BARHL1: variants seen among roughly 807,000 people sequenced by gnomAD.
BARHL1 encodes BarH like homeobox 1, also known as barH-like 1 homeobox protein.
Under a neutral mutation model 20.1 loss-of-function variants are expected in BARHL1, and 2 were observed. The observed-to-expected ratio is 0.10, with a 90% confidence interval of 0.04 to 0.31. The LOEUF is 0.31. Among genes scored for constraint, BARHL1 ranks in the 10% least tolerant of loss-of-function variants. The pLI, the probability that BARHL1 is intolerant of heterozygous loss-of-function variation, is 1.00. For synonymous variants in BARHL1, 213 were observed against 209.9 expected (o/e 1.01, Z -0.13); for missense variants, 397 against 454.0 (o/e 0.87, Z 1.14).
At chr9:132,585,515 G>A (rs938227924) in intron 1 of BARHL1, among the ~76,000 whole-genome samples, 1 of 152,202 alleles carries the variant, frequency 6.6e-6, no homozygotes, top group Non-Finnish European at 1.5e-5. Flanking sequence ...GAAGTAAGGT[G>A]GTCGGCGACA....
In BARHL1 at chr9:132,584,268, T is replaced by G. The variant is rs373236906; in HGVS notation, c.466+1005T>G. Among the ~76,000 whole-genome samples the G allele has an allele frequency of 4.2e-4, 64 of 152,246 alleles. 1 individual carries two copies. The South Asian group carries it at 0.012, about 28-fold the overall frequency. ...GTTTTTCAAAGCCAGAGGCACAAAG[T>G]TCTTTCTAAGGGAGAAGTCAAGGGG... On this transcript the variant is annotated intron_variant, in intron 1 of 2. Transcript: ENST00000263610.
chr9:132,582,980 G>C lies in BARHL1; in HGVS notation c.183G>C (p.Thr61=), dbSNP rs755688105. The C allele has an allele frequency of 1.2e-5, 20 of 1,613,724 alleles. No individual in the cohort carries two copies. Among genetic ancestry groups the C allele is most frequent in the South Asian group, 7.7e-5 (7 of 91,090 alleles). ...CTCCAGGAAGGGACTGTTTGGAGAC[G>C]GGGACCCCACGGCCTGGCGGGGCAT... ...PASPGRDCLE[T]GTPRPGGASG... The change falls in exon 1 of 3, where the codon ACG becomes ACC. Residue 61 remains threonine (T), a synonymous_variant. Coordinates refer to ENST00000263610, the MANE Select transcript of BARHL1 (RefSeq NM_020064.4).
In BARHL1 at chr9:132,589,278, C is replaced by T; in HGVS notation, c.740C>T (p.Ala247Val). Residue 247 changes from alanine to valine, a missense_variant, in exon 3 of 3, where the codon GCA (alanine) becomes GTA (valine). Ala to Val is a moderately conservative substitution (Grantham distance 64). Coordinates refer to ENST00000263610, the MANE Select transcript of BARHL1 (RefSeq NM_020064.4). ...GTCGGGTTGGAGCTGCTGGCGGAGGCAGGCAATTACTCAGCGCTCCAGCGG... is the reference window on the plus strand; with the variant it reads ...GTCGGGTTGGAGCTGCTGGCGGAGGTAGGCAATTACTCAGCGCTCCAGCGG... ...TAVGLELLAE[A>V]GNYSALQRMF... The T allele has an allele frequency of 6.2e-7, 1 of 1,613,148 alleles. No homozygotes were observed. The highest frequency in any genetic ancestry group is 8.5e-7 in the Non-Finnish European group (1 of 1,179,836).
At chr9:132,588,589 C>T (rs2119136023) in intron 2 of BARHL1, among the ~76,000 whole-genome samples, 1 of 152,204 alleles carries the variant, frequency 6.6e-6, no homozygotes, top group African/African-American at 2.4e-5. Context: ...CGTTGGCTGG[C>T]CAAGGCCTCT....
In BARHL1 at chr9:132,589,959, G is replaced by T; in HGVS notation, c.*437G>T. 6.1e-6 allele frequency: 1 copy of T among 164,654 alleles called. No homozygotes were observed. The highest frequency in any genetic ancestry group is 1.3e-5 in the Non-Finnish European group (1 of 76,606). The allele number at this position is 164,654 out of a possible 1,614,324, so 10.2% of individuals were successfully genotyped here. On this transcript the variant is annotated 3_prime_UTR_variant, in exon 3 of 3. Coordinates refer to ENST00000263610, the MANE Select transcript of BARHL1 (RefSeq NM_020064.4). ...CCCCCGCCAGGGAGAGAAGGGGAGT[G>T]CGGAGCCCCGTCTCCCTACCCCTCG... is the stretch of plus-strand genomic sequence containing the variant.
At chr9:132,588,141 G>A (rs1214244182) in intron 2 of BARHL1, among the ~76,000 whole-genome samples, 4 of 152,174 alleles carry the variant, frequency 2.6e-5, no homozygotes, top group Admixed American at 6.5e-5. Context: ...TGGGGCACCG[G>A]ACTTGAACTC....
chr9:132,589,380 G>A lies in BARHL1; in HGVS notation c.842G>A (p.Arg281His). Residue 281 changes from arginine (R) to histidine (H), a missense_variant, in exon 3 of 3, where the codon CGC becomes CAC. Transcript: ENST00000263610. The stretch of plus-strand genomic sequence containing the variant: ...CCCGGCGCGGCGCTCTACCTGTACC[G>A]CGGCCCCAGCGCGCCGCCGCCTGCT... ...LDPGAALYLY[R>H]GPSAPPPALQ... The A allele has an allele frequency of 6.2e-7, 1 of 1,612,566 alleles. No individual in the cohort carries two copies. Among genetic ancestry groups the A allele is most frequent in the Non-Finnish European group, 8.5e-7 (1 of 1,179,702 alleles).
Position 132,587,318 on chromosome 9 carries a change from T to C in BARHL1, c.467-11T>C. The C allele has an allele frequency of 6.3e-7, 1 of 1,590,626 alleles. No individual in the cohort carries two copies. Among genetic ancestry groups the C allele is most frequent in the South Asian group, 1.1e-5 (1 of 86,990 alleles). On this transcript the variant is annotated splice_polypyrimidine_tract_variant and intron_variant, in intron 1 of 2. Transcript: ENST00000263610. The surrounding 1 kb of genome is among the most constrained non-coding windows in gnomAD (Gnocchi z 5.5). ...GCGAGGCCGGGCCCTGACATGCCGC[T>C]GTGTCCGCAGTGAAGGAGGAGGGCG...
Position 132,583,252 on chromosome 9 carries a change from C to G in BARHL1, c.455C>G (p.Ser152Cys), listed in dbSNP as rs1564260000. 1 of 1,611,154 alleles carries G rather than the reference C, an allele frequency of 6.2e-7. No homozygotes were observed. The highest frequency in any genetic ancestry group is 1.1e-5 in the South Asian group (1 of 90,914). ...AGTGGCAGCAACGCCTCATCGGACT[C>G]TGAGTATAAAGGTAAGAAAGCAGGA... ...DKSGSNASSD[S>C]EYKVKEEGDR... Residue 152 changes from serine (S) to cysteine (C), a missense_variant, in exon 1 of 3, where the codon TCT becomes TGT. By Grantham distance (112) the Ser-to-Cys change is moderately radical (BLOSUM62 -1). Around this residue, in one of 3 missense-constraint regions of BARHL1, gnomAD observed 272 missense variants for 298.7 expected, o/e 0.91. Transcript: ENST00000263610.
intron 1 of BARHL1, among the ~76,000 whole-genome samples, chr9:132,584,501 C>A (rs1314199479): frequency 1.3e-5 from 2 of 148,952 alleles, no homozygotes; most frequent in African/African-American, 2.5e-5. Context: ...CCACCCCCAG[C>A]GCCATACTTC....
intron 2 of BARHL1, among the ~76,000 whole-genome samples, chr9:132,588,500 A>C (rs1307629877): frequency 6.6e-6 from 1 of 152,106 alleles, no homozygotes; most frequent in Non-Finnish European, 1.5e-5. Context: ...AGCCCACCTT[A>C]GTGGGACCCT....
rs1257879197 is a variant in BARHL1, at chr9:132,589,894, C to T, written c.*372C>T. ...CCCAGGCTTCGCTCTCTCCCACGCCCCTTCTACGCTCCAGGTGGAGAACAG... is the reference window on the plus strand; with the variant it reads ...CCCAGGCTTCGCTCTCTCCCACGCCTCTTCTACGCTCCAGGTGGAGAACAG... On this transcript the variant is annotated 3_prime_UTR_variant, in exon 3 of 3. Transcript: ENST00000263610. 5.2e-6 allele frequency: 1 copy of T among 193,450 alleles called. No individual in the cohort carries two copies. Among genetic ancestry groups the T allele is most frequent in the Non-Finnish European group, 1.0e-5 (1 of 95,638 alleles). 12.0% of individuals were successfully genotyped at this position (193,450 alleles called of 1,614,324 possible). A position where few individuals can be genotyped will look rare whatever the true frequency, so the allele number is the denominator to read the frequency against.
chr9:132,583,680 A>T (rs1012453893), intron 1 of BARHL1, among the ~76,000 whole-genome samples: 1 of 152,186 alleles, frequency 6.6e-6, no homozygotes, highest in Non-Finnish European at 1.5e-5. Flanking sequence ...CAGCAGAAAA[A>T]TTTCAGCTGG....
At chr9:132,589,088 G>C in intron 2 of BARHL1, 140 bp from the exon 3 acceptor site, 1 of 1,416,518 alleles carries the variant, frequency 7.1e-7, no homozygotes, top group Non-Finnish European at 9.3e-7. Context: ...ATGGTGCCTG[G>C]CACTCGGTTA....
intron 2 of BARHL1, among the ~76,000 whole-genome samples, chr9:132,588,298 CCA>C (rs1427595524): frequency 1.3e-5 from 2 of 152,096 alleles, no homozygotes; most frequent in African/African-American, 4.8e-5. Flanking sequence ...ACGCTCAGCC[CCA>C]CAGTCACTCG....
intron 2 of BARHL1, among the ~76,000 whole-genome samples, chr9:132,589,016 T>C (rs74917255): frequency 2.9e-4 from 44 of 152,028 alleles, no homozygotes; most frequent in African/African-American, 1.0e-3. Flanking sequence ...CTCTGTAAAG[T>C]GGGGTAAGAG....
At position 132,589,638 on chromosome 9, in the gene BARHL1, C is replaced by T. The variant is rs1049348275; in HGVS notation, c.*116C>T. Reference sequence around the variant, plus strand: ...CGGGAGGGGGCCCTGCCCGGCCCTCCCTGGCGCCCCAGCCCAGTGCCCCCC... The same window carrying T: ...CGGGAGGGGGCCCTGCCCGGCCCTCTCTGGCGCCCCAGCCCAGTGCCCCCC... On this transcript the variant is annotated 3_prime_UTR_variant, in exon 3 of 3. Coordinates refer to ENST00000263610, the MANE Select transcript of BARHL1 (RefSeq NM_020064.4). The T allele has an allele frequency of 5.8e-6, 7 of 1,214,724 alleles. No homozygotes were observed. Among genetic ancestry groups the T allele is most frequent in the Non-Finnish European group, 7.2e-6 (7 of 976,982 alleles). The allele number at this position is 1,214,724 out of a possible 1,614,324, so 75.2% of individuals were successfully genotyped here.
At position 132,589,360 on chromosome 9, in the gene BARHL1, C is replaced by A. The variant is rs766471953; in HGVS notation, c.822C>A (p.Gly274=). 59 of 1,613,222 alleles carry A rather than the reference C, an allele frequency of 3.7e-5. 1 individual carries two copies. In the South Asian group the frequency reaches 6.0e-4, roughly 17 times the overall value. The part of the protein sequence containing the change: ...PQSLVSNLDP[G]AALYLYRGPS... The stretch of plus-strand genomic sequence containing the variant: ...GTCTGGTTTCCAACCTGGACCCCGG[C>A]GCGGCGCTCTACCTGTACCGCGGCC... The change falls in exon 3 of 3, where the codon GGC becomes GGA. Residue 274 remains glycine (G), a synonymous_variant. Coordinates refer to ENST00000263610, the MANE Select transcript of BARHL1 (RefSeq NM_020064.4).
chr9:132,587,311 A>G lies in BARHL1; in HGVS notation c.467-18A>G. 6.3e-7 allele frequency: 1 copy of G among 1,583,604 alleles called. No homozygotes were observed. The highest frequency in any genetic ancestry group is 8.6e-7 in the Non-Finnish European group (1 of 1,167,394). ...GGCGGCTGCGAGGCCGGGCCCTGAC[A>G]TGCCGCTGTGTCCGCAGTGAAGGAG... On this transcript the variant is annotated intron_variant, in intron 1 of 2. Transcript: ENST00000263610. The surrounding 1 kb of genome is among the most constrained non-coding windows in gnomAD (Gnocchi z 5.5).
Sources: allele counts gnomAD v4.1 joint callset (sites outside exome capture counted in the v4.1 genomes callset), GRCh38; gene constraint gnomAD v4.1.1; regional missense constraint gnomAD v4.1.1; non-coding constraint Gnocchi (gnomAD v3.1); transcripts MANE v1.5; gene names NCBI Gene and HGNC (gene_info 2026-07-23, HGNC 2026-07-21).